Variants in PIK3CB observed in about 807,000 individuals in gnomAD.
PIK3CB encodes the protein phosphatidylinositol 4,5-bisphosphate 3-kinase catalytic subunit beta isoform.
In PIK3CB, 39 loss-of-function variants were observed where a neutral mutation model predicts 136.8. That is an observed-to-expected ratio of 0.29 (90% CI 0.22 to 0.37). The LOEUF (loss-of-function observed/expected upper bound fraction) is 0.37, where lower values mean the gene tolerates loss of function less well. PIK3CB is among the 10% of genes least tolerant of loss of function. PIK3CB has a pLI of 1.00. For synonymous variants in PIK3CB, 428 were observed against 436.6 expected (o/e 0.98, Z 0.25); for missense variants, 868 against 1,275.4 (o/e 0.68, Z 4.87).
chr3:138,814,084 T>C (rs1933192969), intron 1 of PIK3CB, among the ~76,000 whole-genome samples: 1 of 152,134 alleles, frequency 6.6e-6, no homozygotes, highest in Non-Finnish European at 1.5e-5. Flanking sequence ...TTCTCCCATT[T>C]TTAAGAGGAC....
chr3:138,746,398 C>T (rs1464219305), intron 4 of PIK3CB, among the ~76,000 whole-genome samples: 5 of 152,144 alleles, frequency 3.3e-5, no homozygotes, highest in South Asian at 2.1e-4. Flanking sequence ...CGGTGGCTCA[C>T]GCCTGTAATC....
Position 138,657,670 on chromosome 3 carries a change from G to T in PIK3CB, c.2942+20C>A. 1 of 1,607,024 alleles carries T rather than the reference G, an allele frequency of 6.2e-7. No individual in the cohort carries two copies. Among genetic ancestry groups the T allele is most frequent in the Non-Finnish European group, 8.5e-7 (1 of 1,174,864 alleles). ...GAAAATGTTAGAAGTGTTCAGCCTT[G>T]GCACAAGGGCAGTACTCACCGGCCA... On this transcript the variant is annotated intron_variant, in intron 22 of 23. Coordinates refer to ENST00000674063, the MANE Select transcript of PIK3CB (RefSeq NM_006219.3).
intron 1 of PIK3CB, chr3:138,796,928 A>C (rs946162998): frequency 2.6e-5 from 4 of 152,300 alleles, no homozygotes; most frequent in Non-Finnish European, 4.4e-5. Context: ...CCAAAAACAC[A>C]CTGCTGAAAG....
chr3:138,748,386 G>A (rs2045405377), intron 4 of PIK3CB, among the ~76,000 whole-genome samples: 1 of 151,528 alleles, frequency 6.6e-6, no homozygotes, highest in Non-Finnish European at 1.5e-5. Flanking sequence ...TTTTTTCACT[G>A]TAAAGCTTTC....
At chr3:138,745,092 T>C (rs1164750897) in intron 4 of PIK3CB, among the ~76,000 whole-genome samples, 1 of 152,254 alleles carries the variant, frequency 6.6e-6, no homozygotes, top group African/African-American at 2.4e-5. Flanking sequence ...ACTTTTTCTA[T>C]ATGAACGATG....
At chr3:138,667,278 G>T (rs1421315081) in intron 19 of PIK3CB, among the ~76,000 whole-genome samples, 1 of 151,666 alleles carries the variant, frequency 6.6e-6, no homozygotes, top group Non-Finnish European at 1.5e-5. Context: ...GAGCACAAGG[G>T]GGAGCACAAC....
At chr3:138,750,009 C>G (rs1191937430) in intron 4 of PIK3CB, among the ~76,000 whole-genome samples, 1 of 152,132 alleles carries the variant, frequency 6.6e-6, no homozygotes, top group Non-Finnish European at 1.5e-5. Context: ...TCTCAAGTAG[C>G]TGGGACTACA....
intron 6 of PIK3CB, 105 bp from the exon 7 acceptor site, chr3:138,734,909 T>C (rs765459383): frequency 5.5e-5 from 38 of 687,256 alleles, no homozygotes; most frequent in Non-Finnish European, 8.3e-5. Flanking sequence ...TGTGAAAGTA[T>C]GTCTTAAACC....
intron 12 of PIK3CB, 103 bp downstream of exon 12, chr3:138,704,340 A>C: frequency 1.2e-6 from 1 of 821,574 alleles, no homozygotes; most frequent in Non-Finnish European, 2.1e-6. Context: ...CTGTTCTTGC[A>C]TATGAGTTAC....
intron 9 of PIK3CB, 59 bp from the exon 10 acceptor site, chr3:138,712,363 G>A: frequency 1.5e-6 from 1 of 678,118 alleles, no homozygotes; most frequent in Non-Finnish European, 2.5e-6. Flanking sequence ...GTGTAAACAT[G>A]CACATGTCCT....
intron 4 of PIK3CB, among the ~76,000 whole-genome samples, chr3:138,749,085 A>G (rs1397673534): frequency 6.6e-6 from 1 of 152,188 alleles, no homozygotes; most frequent in African/African-American, 2.4e-5. Flanking sequence ...AAAATACATT[A>G]CTCTAAATTA....
At chr3:138,719,106 C>T (rs16848344) in intron 8 of PIK3CB, among the ~76,000 whole-genome samples, 4,598 of 151,938 alleles carry the variant, frequency 0.03, 235 homozygotes, top group African/African-American at 0.11. Context: ...TTTTTAGTTT[C>T]TAAAGACTAT....
At chr3:138,759,449 C>T (rs1483647706) in intron 2 of PIK3CB, 90 bp from the exon 3 acceptor site, 38 of 794,828 alleles carry the variant, frequency 4.8e-5, no homozygotes, top group Non-Finnish European at 1.4e-5. Flanking sequence ...ACAATTAGTC[C>T]TTAGATTTCA....
At chr3:138,830,674 C>T (rs1193281394) in intron 1 of PIK3CB, among the ~76,000 whole-genome samples, 1 of 151,674 alleles carries the variant, frequency 6.6e-6, no homozygotes, top group African/African-American at 2.4e-5. Context: ...CCGAGATGGG[C>T]GGATCACGAG....
chr3:138,679,526 A>G (rs1183392971), intron 19 of PIK3CB, among the ~76,000 whole-genome samples: 1 of 152,028 alleles, frequency 6.6e-6, no homozygotes, highest in Non-Finnish European at 1.5e-5. Flanking sequence ...TAGAATTTAT[A>G]TACTGTTTGA....
chr3:138,720,476 A>T (rs1266276934), intron 8 of PIK3CB, among the ~76,000 whole-genome samples: 3 of 152,192 alleles, frequency 2.0e-5, no homozygotes, highest in Admixed American at 1.3e-4. Context: ...ACTCGTCTGG[A>T]AGTCTGTATC....
Position 138,747,101 on chromosome 3 carries a change from T to TATATATAC in PIK3CB, c.398-4321_398-4320insGTATATAT, listed in dbSNP as rs57237830. Among the ~76,000 whole-genome samples, 116 of 92,692 alleles carry TATATATAC rather than the reference T, an allele frequency of 1.3e-3. 2 individuals carry two copies. Among genetic ancestry groups the TATATATAC allele is most frequent in the African/African-American group, 4.8e-3 (100 of 20,838 alleles). The allele number at this position is 92,692 out of a possible 152,430, so 60.8% of individuals were successfully genotyped here. On this transcript the variant is annotated intron_variant, in intron 4 of 23. Transcript: ENST00000674063. ...ATATATATATATATATATATATATA[T>TATATATAC]ATATATATATATGGCATTTGCAGGC...
intron 19 of PIK3CB, among the ~76,000 whole-genome samples, chr3:138,673,580 A>G (rs1358446698): frequency 2.0e-5 from 3 of 152,224 alleles, no homozygotes; most frequent in Non-Finnish European, 4.4e-5. Context: ...CTACTTCTCC[A>G]TAAAAGCAAC....
chr3:138,708,637 C>A (rs535142206), intron 10 of PIK3CB, among the ~76,000 whole-genome samples: 10 of 148,282 alleles, frequency 6.7e-5, no homozygotes, highest in Non-Finnish European at 1.0e-4. Flanking sequence ...GAGACGGGGT[C>A]TTGCCACATT....
Sources: gnomAD v4.1 joint callset for allele counts (sites outside exome capture counted in the v4.1 genomes callset) on GRCh38, gnomAD v4.1.1 for gene constraint, MANE v1.5 for transcripts, NCBI Gene and HGNC (gene_info 2026-07-23, HGNC 2026-07-21) for gene names.